The following NAV2 variants were observed in gnomAD, a reference collection of about 807,000 sequenced individuals.
NAV2 encodes the protein helicase, APC down-regulated 1.
A neutral mutation model predicts 223.2 loss-of-function variants in NAV2; 54 were observed. The observed-to-expected ratio is 0.24, with a 90% confidence interval of 0.19 to 0.30. NAV2 has a LOEUF of 0.30. Ranked by LOEUF, NAV2 falls within the 10% of genes least tolerant of loss-of-function variation. The probability of loss-of-function intolerance (pLI) is 1.00; values close to 1 mark genes in which losing one functional copy is unlikely to be tolerated. For synonymous variants in NAV2, 1,279 were observed against 1,239.3 expected (o/e 1.03, Z -0.67); for missense variants, 2,806 against 3,147.5 (o/e 0.89, Z 2.60).
chr11:20,061,701 A>G (rs2153624982), intron 19 of NAV2, among the ~76,000 whole-genome samples: 1 of 152,350 alleles, frequency 6.6e-6, no homozygotes, highest in Non-Finnish European at 1.5e-5. Context: ...CTTTGTAGAC[A>G]TGATAGAAAT....
At position 19,933,966 on chromosome 11, in the gene NAV2, G is replaced by A; in HGVS notation, c.1722G>A (p.Gly574=). ...IPKPGMKSMP[G]KSPSAPAPSK... ...AACCAGGAATGAAAAGCATGCCCGG[G>A]AAATCCCCAAGTGCCCCAGCGCCTT... Residue 574 remains glycine (G), a synonymous_variant, in exon 7 of 38, where the codon GGG becomes GGA. Coordinates refer to ENST00000349880, the MANE Select transcript of NAV2 (RefSeq NM_145117.5). The surrounding 1 kb of genome is among the most constrained non-coding windows in gnomAD (Gnocchi z 4.3). 7 of 1,597,148 alleles carry A rather than the reference G, an allele frequency of 4.4e-6. No homozygotes were observed. Among genetic ancestry groups the A allele is most frequent in the Non-Finnish European group, 6.0e-6 (7 of 1,173,250 alleles).
intron 10 of NAV2, among the ~76,000 whole-genome samples, chr11:19,980,220 T>C (rs768397559): frequency 3.5e-4 from 54 of 152,256 alleles, no homozygotes; most frequent in South Asian, 8.3e-4. Context: ...CAGGGGTCTC[T>C]GGGGAAGCTT....
At chr11:19,503,738 G>A (rs2043032479) in intron 1 of NAV2, 1 of 152,164 alleles carries the variant, frequency 6.6e-6, no homozygotes. Flanking sequence ...GGCAATTGTG[G>A]ATAAAGCTGC....
intron 1 of NAV2, among the ~76,000 whole-genome samples, chr11:19,681,280 A>G (rs1446743108): frequency 6.6e-6 from 1 of 152,242 alleles, no homozygotes; most frequent in Non-Finnish European, 1.5e-5. Flanking sequence ...ACAATGTGCC[A>G]GGCATTGAAG....
At chr11:19,851,776 G>A (rs1219697063) in intron 3 of NAV2, among the ~76,000 whole-genome samples, 1 of 152,196 alleles carries the variant, frequency 6.6e-6, no homozygotes, top group Non-Finnish European at 1.5e-5. Flanking sequence ...CTAATCCCCA[G>A]AACCTGTGAA....
chr11:19,955,506 G>T (rs1350245715), intron 10 of NAV2, among the ~76,000 whole-genome samples: 1 of 152,190 alleles, frequency 6.6e-6, no homozygotes, highest in East Asian at 1.9e-4. Context: ...TGAGGACGTA[G>T]CCACATGTCT....
At position 19,486,793 on chromosome 11, in the gene NAV2, C is replaced by G. The variant is rs180749897; in HGVS notation, c.75+135766C>G. ...ATCCTTCAAGACTCAGCTCAGGCATCATCTTCTCTCTGAAGCCACCCATGA... is the reference window on the plus strand; with the variant it reads ...ATCCTTCAAGACTCAGCTCAGGCATGATCTTCTCTCTGAAGCCACCCATGA... On this transcript the variant is annotated intron_variant, in intron 1 of 37. Coordinates refer to the NAV2 transcript ENST00000360655. Among the ~76,000 whole-genome samples, 4 of 152,334 alleles carry G rather than the reference C, an allele frequency of 2.6e-5. No homozygotes were observed. The East Asian group carries it at 7.7e-4, about 29-fold the overall frequency.
intron 1 of NAV2, among the ~76,000 whole-genome samples, chr11:19,478,848 G>A (rs1035447994): frequency 6.6e-6 from 1 of 152,188 alleles, no homozygotes; most frequent in African/African-American, 2.4e-5. Context: ...CAAATACAAT[G>A]TCTATTTTAG....
chr11:19,532,173 C>G (rs996893185), intron 1 of NAV2, among the ~76,000 whole-genome samples: 26 of 151,774 alleles, frequency 1.7e-4, no homozygotes, highest in African/African-American at 5.6e-4. Context: ...AGTGAAAGAT[C>G]TTTTCTGGAA....
rs576508849 is a variant in NAV2, at chr11:19,582,456, A to G, written c.75+231429A>G. Among the ~76,000 whole-genome samples the G allele has an allele frequency of 6.9e-3, 1,055 of 152,288 alleles. 6 individuals are homozygous for G. Among genetic ancestry groups the G allele is most frequent in the South Asian group, 0.04 (193 of 4,818 alleles). On this transcript the variant is annotated intron_variant, in intron 1 of 37. Coordinates refer to the NAV2 transcript ENST00000360655. ...GTCCTTGCCCATGCTTATGTCCTGA[A>G]TGGTATTGCCTAGGTTTTCTTCTAG...
chr11:19,460,058 C>A (rs1852099658), intron 1 of NAV2, among the ~76,000 whole-genome samples: 1 of 152,192 alleles, frequency 6.6e-6, no homozygotes, highest in African/African-American at 2.4e-5. Flanking sequence ...CCTTTCTTTG[C>A]CTCAGTTTTC....
chr11:19,813,167 C>A (rs1467824670), intron 1 of NAV2, among the ~76,000 whole-genome samples: 3 of 152,096 alleles, frequency 2.0e-5, no homozygotes, highest in Non-Finnish European at 4.4e-5. Flanking sequence ...TAAGGGCAGG[C>A]ACTGTTGTTT....
intron 1 of NAV2, among the ~76,000 whole-genome samples, chr11:19,620,296 A>G (rs928760193): frequency 3.3e-5 from 5 of 152,144 alleles, no homozygotes; most frequent in Admixed American, 6.5e-5. Flanking sequence ...ATTCTGTGAA[A>G]AAAGTCATTG....
chr11:19,946,075 T>C (rs1391908299), intron 8 of NAV2, among the ~76,000 whole-genome samples: 1 of 152,250 alleles, frequency 6.6e-6, no homozygotes, highest in African/African-American at 2.4e-5. Context: ...ACTACCTGGT[T>C]GGACCTAACC....
chr11:19,677,688 A>C (rs7126154), intron 1 of NAV2, among the ~76,000 whole-genome samples: 6,787 of 152,306 alleles, frequency 0.045, 370 homozygotes, highest in African/African-American at 0.13. Context: ...GCCCTGACTG[A>C]GTGATTTTGT....
At chr11:19,426,420 T>C (rs1275807641) in intron 1 of NAV2, among the ~76,000 whole-genome samples, 1 of 152,142 alleles carries the variant, frequency 6.6e-6, no homozygotes, top group Admixed American at 6.5e-5. Flanking sequence ...AAGGACTCCA[T>C]GAAGAAATAA....
intron 1 of NAV2, among the ~76,000 whole-genome samples, chr11:19,378,561 T>C (rs1251275349): frequency 6.7e-6 from 1 of 150,020 alleles, no homozygotes; most frequent in African/African-American, 2.5e-5. Context: ...GGGCCGGTCG[T>C]GATAACAGCA....
intron 1 of NAV2, among the ~76,000 whole-genome samples, chr11:19,683,869 T>A (rs2048943131): frequency 6.6e-6 from 1 of 152,240 alleles, no homozygotes; most frequent in Non-Finnish European, 1.5e-5. Flanking sequence ...CAATATAATT[T>A]TATTAAGTTT....
chr11:20,059,651 C>T (rs566434573), intron 19 of NAV2, among the ~76,000 whole-genome samples: 2 of 152,138 alleles, frequency 1.3e-5, no homozygotes, highest in South Asian at 2.1e-4. Context: ...GAGCGATCTC[C>T]GGACTTCTAG....
Sources: gnomAD v4.1 joint callset for allele counts (sites outside exome capture counted in the v4.1 genomes callset) on GRCh38, gnomAD v4.1.1 for gene constraint, Gnocchi (gnomAD v3.1) non-coding constraint, MANE v1.5 for transcripts, NCBI Gene and HGNC (gene_info 2026-07-23, HGNC 2026-07-21) for gene names.